The following KLF12 variants were observed in gnomAD, a reference collection of about 807,000 sequenced individuals.
KLF12 encodes the protein KLF transcription factor 12.
KLF12 carries 9 observed loss-of-function variants against 37.8 expected under a neutral mutation model. That is an observed-to-expected ratio of 0.24 (90% confidence interval 0.14 to 0.42). The LOEUF (loss-of-function observed/expected upper bound fraction) is 0.42. Ranked by LOEUF, KLF12 falls within the 10% of genes least tolerant of loss-of-function variation. The probability of loss-of-function intolerance (pLI) is 1.00; values close to 1 mark genes in which losing one functional copy is unlikely to be tolerated. For missense variants in KLF12, 411 were observed against 516.0 expected (o/e 0.80, Z 1.97); for synonymous variants, 208 against 202.1 (o/e 1.03, Z -0.25).
chr13:73,861,089 A>T (rs1885901841), intron 3 of KLF12, among the ~76,000 whole-genome samples: 2 of 152,192 alleles, frequency 1.3e-5, no homozygotes, highest in Non-Finnish European at 2.9e-5. Context: ...GTTAAAAAAT[A>T]ACACTCTTTC....
the KLF12 span, among the ~76,000 whole-genome samples, chr13:74,145,313 A>G: frequency 6.6e-6 from 1 of 152,212 alleles, no homozygotes; most frequent in African/African-American, 2.4e-5. Flanking sequence ...TCATTTATCA[A>G]AATTACTCAT....
intron 4 of KLF12, among the ~76,000 whole-genome samples, chr13:73,840,421 C>T (rs776910529): frequency 1.2e-4 from 18 of 152,182 alleles, no homozygotes; most frequent in Non-Finnish European, 2.1e-4. Flanking sequence ...GTTCCAGGCT[C>T]GCCCACCCAA....
At chr13:74,298,713 C>T in the KLF12 span, among the ~76,000 whole-genome samples, 2 of 151,902 alleles carry the variant, frequency 1.3e-5, no homozygotes, top group African/African-American at 4.8e-5. Context: ...GAGTTTTATG[C>T]CTAAGAATAA....
chr13:74,020,098 A>T (rs561159062), intron 1 of KLF12, among the ~76,000 whole-genome samples: 1 of 152,360 alleles, frequency 6.6e-6, no homozygotes, highest in African/African-American at 2.4e-5. Context: ...AAGACTTTAC[A>T]TGTCTCATAT....
Position 73,995,160 on chromosome 13 carries a change from G to GT in KLF12, c.-31-108dup, listed in dbSNP as rs1892074029. The GT allele has an allele frequency of 4.2e-6, 3 of 710,162 alleles. No homozygotes were observed. The South Asian group carries it at 5.3e-5, about 13-fold the overall frequency. 44.0% of individuals were successfully genotyped at this position (710,162 alleles called of 1,614,324 possible). A position where few individuals can be genotyped will look rare whatever the true frequency, so the allele number is the denominator to read the frequency against. On this transcript the variant is annotated intron_variant, in intron 1 of 7. Coordinates refer to ENST00000377669, the MANE Select transcript of KLF12 (RefSeq NM_007249.5). ...CTTAATTCTACAGTTCCTTAAGCTC[G>GT]TGATCATAGAGCTGAGGAATATCTT... is the stretch of plus-strand genomic sequence containing the variant.
chr13:74,055,034 A>G (rs1873167785), intron 1 of KLF12, among the ~76,000 whole-genome samples: 1 of 152,254 alleles, frequency 6.6e-6, no homozygotes, highest in African/African-American at 2.4e-5. Flanking sequence ...CAGGGCAAAG[A>G]AATTAAGACA....
intron 2 of KLF12, among the ~76,000 whole-genome samples, chr13:73,953,257 T>C (rs565003809): frequency 6.6e-6 from 1 of 151,808 alleles, no homozygotes; most frequent in South Asian, 2.1e-4. Context: ...GTTCAAATCA[T>C]ATAAAAAAGA....
At chr13:74,094,986 CAG>C (rs1358170490) in intron 1 of KLF12, among the ~76,000 whole-genome samples, 1 of 152,168 alleles carries the variant, frequency 6.6e-6, no homozygotes, top group Non-Finnish European at 1.5e-5. Context: ...ATATATTTTA[CAG>C]TTATCCTACA....
chr13:73,837,004 A>G (rs1325675996), intron 4 of KLF12, among the ~76,000 whole-genome samples: 1 of 152,202 alleles, frequency 6.6e-6, no homozygotes, highest in Non-Finnish European at 1.5e-5. Flanking sequence ...CCCATTTTTT[A>G]AACATCTTCT....
chr13:74,194,851 C>T, the KLF12 span, among the ~76,000 whole-genome samples: 1 of 152,140 alleles, frequency 6.6e-6, no homozygotes, highest in East Asian at 1.9e-4. Flanking sequence ...TGAAAACAAA[C>T]CAGATTTTAA....
chr13:74,071,221 A>G (rs1264096798), intron 1 of KLF12, among the ~76,000 whole-genome samples: 1 of 152,234 alleles, frequency 6.6e-6, no homozygotes, highest in Non-Finnish European at 1.5e-5. Context: ...CAAGAATTTT[A>G]TAACACCATT....
At chr13:74,102,836 G>A (rs1477034031) in intron 1 of KLF12, among the ~76,000 whole-genome samples, 2 of 152,298 alleles carry the variant, frequency 1.3e-5, no homozygotes, top group East Asian at 1.9e-4. Context: ...ATGAAAAGAC[G>A]TCACCACTGA....
intron 2 of KLF12, among the ~76,000 whole-genome samples, chr13:73,963,496 T>A (rs1249738576): frequency 6.6e-6 from 1 of 152,216 alleles, no homozygotes; most frequent in Admixed American, 6.5e-5. Flanking sequence ...GAATGGATTA[T>A]ATAAACGTTA....
intron 3 of KLF12, among the ~76,000 whole-genome samples, chr13:73,895,676 G>C (rs558689411): frequency 6.6e-6 from 1 of 152,234 alleles, no homozygotes; most frequent in Admixed American, 6.5e-5. Flanking sequence ...AGGGAGAAAT[G>C]AGTGACAGGG....
At chr13:74,154,072 A>C in the KLF12 span, among the ~76,000 whole-genome samples, 1 of 11,488 alleles carries the variant, frequency 8.7e-5, no homozygotes, top group East Asian at 7.8e-3. Flanking sequence ...GTAAAATACC[A>C]AAAAAAAAAA....
the KLF12 span, among the ~76,000 whole-genome samples, chr13:74,224,798 G>T: frequency 6.6e-6 from 1 of 152,098 alleles, no homozygotes; most frequent in Admixed American, 6.6e-5. Context: ...GGATATTGTT[G>T]TAATTTTACC....
intron 2 of KLF12, among the ~76,000 whole-genome samples, chr13:73,982,554 A>G (rs933922389): frequency 6.6e-6 from 1 of 152,282 alleles, no homozygotes; most frequent in South Asian, 2.1e-4. Flanking sequence ...TAAAAAATAA[A>G]AAAGAAATCT....
chr13:73,753,331 C>T (rs1316940627), intron 6 of KLF12, among the ~76,000 whole-genome samples: 3 of 152,158 alleles, frequency 2.0e-5, no homozygotes, highest in Admixed American at 6.5e-5. Context: ...CAGACCCTCA[C>T]CCAGATGGTT....
chr13:74,068,709 A>G (rs1874059648), intron 1 of KLF12, among the ~76,000 whole-genome samples: 1 of 152,096 alleles, frequency 6.6e-6, no homozygotes, highest in African/African-American at 2.4e-5. Flanking sequence ...GGCATGCGTC[A>G]TAACACTCAG....
Sources: allele counts gnomAD v4.1 joint callset (sites outside exome capture counted in the v4.1 genomes callset), GRCh38; gene constraint gnomAD v4.1.1; transcripts MANE v1.5; gene names NCBI Gene and HGNC (gene_info 2026-07-23, HGNC 2026-07-21).